Variants in XRCC4 observed in about 807,000 individuals in gnomAD.
The protein encoded by XRCC4 is DNA repair protein XRCC4.
Under a neutral mutation model 39.1 loss-of-function variants are expected in XRCC4, and 28 were observed. That is an observed-to-expected ratio of 0.72 (90% CI 0.53 to 0.98). The LOEUF is 0.98. Among genes scored for constraint, XRCC4 ranks in the 50% least tolerant of loss-of-function variants. The pLI is 0.00. For synonymous variants in XRCC4, 123 were observed against 126.4 expected (o/e 0.97, Z 0.18); for missense variants, 350 against 376.4 (o/e 0.93, Z 0.58).
intron 1 of XRCC4, among the ~76,000 whole-genome samples, chr5:83,093,556 A>C (rs1745531219): frequency 6.6e-6 from 1 of 152,220 alleles, no homozygotes; most frequent in African/African-American, 2.4e-5. Context: ...ATTGTATGTT[A>C]GTTCACAAAG....
intron 6 of XRCC4, among the ~76,000 whole-genome samples, chr5:83,215,384 T>C (rs1042966563): frequency 1.3e-5 from 2 of 152,030 alleles, no homozygotes; most frequent in Non-Finnish European, 2.9e-5. Flanking sequence ...TACTTTCAAA[T>C]TGGTACATAG....
chr5:83,237,030 TTAAAATGCCTTTTTTCAAAAAGGCAA>T (rs1221138634), intron 6 of XRCC4, among the ~76,000 whole-genome samples: 1 of 152,030 alleles, frequency 6.6e-6, no homozygotes, highest in African/African-American at 2.4e-5. Flanking sequence ...CTCACCCCAG[TTAAAATGCCTTTTTTCAAAAAGGCAA>T]TAACTGATGC....
intron 7 of XRCC4, among the ~76,000 whole-genome samples, chr5:83,264,295 C>G (rs1431845253): frequency 6.6e-6 from 1 of 152,024 alleles, no homozygotes; most frequent in Non-Finnish European, 1.5e-5. Context: ...AGCTCATTTC[C>G]CCACAGTAAC....
intron 7 of XRCC4, among the ~76,000 whole-genome samples, chr5:83,272,778 A>G (rs901884960): frequency 5.3e-5 from 8 of 152,236 alleles, no homozygotes; most frequent in South Asian, 2.1e-4. Context: ...ATGACTGCAT[A>G]GTATTCCATG....
chr5:83,088,044 G>A (rs1055036170), intron 1 of XRCC4, among the ~76,000 whole-genome samples: 2 of 152,034 alleles, frequency 1.3e-5, no homozygotes, highest in East Asian at 1.9e-4. Flanking sequence ...TTGATTGTTG[G>A]TATTTCATTT....
chr5:83,085,162 A>G (rs1330945934), intron 1 of XRCC4, among the ~76,000 whole-genome samples: 1 of 152,220 alleles, frequency 6.6e-6, no homozygotes, highest in East Asian at 1.9e-4. Flanking sequence ...CTGAGCAGTG[A>G]ATGAGAATTT....
At chr5:83,309,572 T>G (rs1156839559) in intron 7 of XRCC4, among the ~76,000 whole-genome samples, 2 of 150,726 alleles carry the variant, frequency 1.3e-5, no homozygotes. Flanking sequence ...CCATCCTGGC[T>G]AACACGGTGA....
chr5:83,368,766 C>G, the XRCC4 span, among the ~76,000 whole-genome samples: 2 of 152,136 alleles, frequency 1.3e-5, no homozygotes, highest in African/African-American at 4.8e-5. Context: ...AATATAATTT[C>G]TGGGAAGTCC....
intron 3 of XRCC4, among the ~76,000 whole-genome samples, chr5:83,164,526 C>CTA (rs1335281508): frequency 6.6e-6 from 1 of 151,950 alleles, no homozygotes. Flanking sequence ...AGCATGGTGA[C>CTA]TATAATAATA....
At chr5:83,106,640 AC>A (rs1746211583) in intron 2 of XRCC4, among the ~76,000 whole-genome samples, 1 of 152,030 alleles carries the variant, frequency 6.6e-6, no homozygotes, top group Non-Finnish European at 1.5e-5. Flanking sequence ...TAAGAACCTT[AC>A]ATTTATGGAA....
intron 7 of XRCC4, among the ~76,000 whole-genome samples, chr5:83,348,339 A>C (rs1310214427): frequency 6.6e-6 from 1 of 152,238 alleles, no homozygotes; most frequent in Non-Finnish European, 1.5e-5. Context: ...CTGGACATCC[A>C]TGCATTTCCA....
chr5:83,329,342 G>A (rs940066471), intron 7 of XRCC4, among the ~76,000 whole-genome samples: 2 of 151,968 alleles, frequency 1.3e-5, no homozygotes, highest in African/African-American at 4.8e-5. Context: ...TAAAGAAAAT[G>A]ACAACCCATG....
At chr5:83,110,372 G>T (rs1310413577) in intron 2 of XRCC4, among the ~76,000 whole-genome samples, 1 of 151,948 alleles carries the variant, frequency 6.6e-6, no homozygotes, top group Non-Finnish European at 1.5e-5. Flanking sequence ...ATAATATCTA[G>T]AATTGAAAAT....
At chr5:83,240,327 ACT>A (rs1752857721) in intron 6 of XRCC4, among the ~76,000 whole-genome samples, 1 of 152,068 alleles carries the variant, frequency 6.6e-6, no homozygotes, top group African/African-American at 2.4e-5. Context: ...TAGAAAGATA[ACT>A]CTGACTGGAG....
At chr5:83,347,199 G>T (rs1285809693) in intron 7 of XRCC4, among the ~76,000 whole-genome samples, 2 of 151,992 alleles carry the variant, frequency 1.3e-5, no homozygotes, top group African/African-American at 4.8e-5. Flanking sequence ...ATATCAAGCT[G>T]CAAAACTATA....
intron 6 of XRCC4, among the ~76,000 whole-genome samples, chr5:83,233,896 T>A (rs1425135654): frequency 1.6e-5 from 2 of 126,864 alleles, no homozygotes; most frequent in Non-Finnish European, 3.2e-5. Context: ...CAGCAAGACT[T>A]CATCTCAAAA....
intron 7 of XRCC4, among the ~76,000 whole-genome samples, chr5:83,341,577 AC>A (rs1481518385): frequency 6.6e-6 from 1 of 152,100 alleles, no homozygotes; most frequent in Non-Finnish European, 1.5e-5. Context: ...ACCTTTTGAG[AC>A]ACACTGCACA....
chr5:83,269,038 G>A (rs1471836801), intron 7 of XRCC4, among the ~76,000 whole-genome samples: 1 of 152,070 alleles, frequency 6.6e-6, no homozygotes, highest in African/African-American at 2.4e-5. Context: ...ACTGCTATGT[G>A]GGCAAATAAG....
At chr5:83,132,696 G>A (rs905005023) in intron 3 of XRCC4, among the ~76,000 whole-genome samples, 3 of 151,848 alleles carry the variant, frequency 2.0e-5, no homozygotes, top group East Asian at 1.9e-4. Flanking sequence ...CTGTGCATGC[G>A]GCATGTAGTT....
Sources: gnomAD v4.1 joint callset for allele counts (sites outside exome capture counted in the v4.1 genomes callset) on GRCh38, gnomAD v4.1.1 for gene constraint, MANE v1.5 for transcripts, NCBI Gene and HGNC (gene_info 2026-07-23, HGNC 2026-07-21) for gene names.